Variants in KLHL1 observed in about 807,000 individuals in gnomAD.
KLHL1 encodes the protein kelch-like protein 1.
A neutral mutation model predicts 77.7 loss-of-function variants in KLHL1; 47 were observed. The ratio of observed to expected loss-of-function variants is 0.60; its 90% CI spans 0.48 to 0.77. The LOEUF is 0.77. Among genes scored for constraint, KLHL1 ranks in the 30% least tolerant of loss-of-function variants. The pLI, the probability that KLHL1 is intolerant of heterozygous loss-of-function variation, is 0.00. For synonymous variants in KLHL1, 360 were observed against 325.2 expected, an observed-to-expected ratio of 1.11 and a Z score of -1.15; for missense variants, 925 against 910.8, an observed-to-expected ratio of 1.02 and a Z score of -0.20.
rs911638899 is a variant in KLHL1, at chr13:69,837,604, A to C, written c.1414+1372T>G. 1.2e-4 allele frequency among the ~76,000 whole-genome samples: 16 copies of C among 138,514 alleles called. 1 individual carries two copies. Among genetic ancestry groups the C allele is most frequent in the African/African-American group, 3.9e-4 (14 of 35,866 alleles). 90.9% of individuals were successfully genotyped at this position (138,514 alleles called of 152,430 possible). A position where few individuals can be genotyped will look rare whatever the true frequency, so the allele number is the denominator to read the frequency against. On this transcript the variant is annotated intron_variant, in intron 6 of 10. Transcript: ENST00000377844. ...AGTTATACTATATATATACACATAC[A>C]TCTCTCTCTCTATATATATGTGTGT...
At chr13:69,858,001 T>A (rs1267496239) in intron 5 of KLHL1, among the ~76,000 whole-genome samples, 1 of 152,066 alleles carries the variant, frequency 6.6e-6, no homozygotes, top group African/African-American at 2.4e-5. Context: ...ATTTAAACAA[T>A]AACTGGTTTT....
chr13:70,086,534 T>C (rs1338174367), intron 1 of KLHL1, among the ~76,000 whole-genome samples: 2 of 129,554 alleles, frequency 1.5e-5, no homozygotes, highest in Admixed American at 9.5e-5. Context: ...GATCCTGCCA[T>C]TGCACTCTAG....
intron 1 of KLHL1, among the ~76,000 whole-genome samples, chr13:69,997,103 T>C (rs8001634): frequency 0.99 from 150,047 of 150,894 alleles, 74,610 homozygotes; most frequent in East Asian, 1. Flanking sequence ...TGTCTGTAGT[T>C]CCAGCTACTC....
intron 7 of KLHL1, among the ~76,000 whole-genome samples, chr13:69,745,466 ATCTTG>A (rs1726742075): frequency 6.6e-6 from 1 of 151,906 alleles, no homozygotes; most frequent in South Asian, 2.1e-4. Flanking sequence ...CACTTTCTTA[ATCTTG>A]TCTTTTGATG....
At chr13:69,945,145 C>G (rs1057284738) in intron 3 of KLHL1, among the ~76,000 whole-genome samples, 12 of 151,486 alleles carry the variant, frequency 7.9e-5, no homozygotes, top group African/African-American at 2.7e-4. Flanking sequence ...GCCACCACGC[C>G]CAGCTAATTT....
intron 1 of KLHL1, among the ~76,000 whole-genome samples, chr13:70,052,729 T>C (rs1043082131): frequency 6.6e-6 from 1 of 151,406 alleles, no homozygotes; most frequent in Non-Finnish European, 1.5e-5. Context: ...AGGCTCTCCT[T>C]CTCTCTCTCT....
rs780383642 is a variant in KLHL1, at chr13:69,961,376, T to TG, written c.748dup (p.Gln250ProfsTer34). 1.9e-6 allele frequency: 3 copies of TG among 1,613,092 alleles called. No homozygotes were observed. Among genetic ancestry groups the TG allele is most frequent in the Non-Finnish European group, 2.5e-6 (3 of 1,179,446 alleles). On this transcript the variant is annotated frameshift_variant, in exon 3 of 11. Coordinates refer to ENST00000377844, the MANE Select transcript of KLHL1 (RefSeq NM_020866.3). LOFTEE classifies it high-confidence loss of function. Reference sequence around the variant, plus strand: ...TATGCCTTCCATTTTGATCTCCTCTTGCTTGGCTTCACAAACATCACTTGT... The same window carrying TG: ...TATGCCTTCCATTTTGATCTCCTCTTGGCTTGGCTTCACAAACATCACTTGT...
chr13:69,787,621 C>T lies in KLHL1; in HGVS notation c.1639+9117G>A, dbSNP rs149065956. On this transcript the variant is annotated intron_variant, in intron 7 of 10. Transcript: ENST00000377844. Reference sequence around the variant, plus strand: ...ATGGGCAAGGACTTCATGTCTAAAACACCAAAAGCAATGGCAACTAAAGCC... The same window carrying T: ...ATGGGCAAGGACTTCATGTCTAAAATACCAAAAGCAATGGCAACTAAAGCC... Among the ~76,000 whole-genome samples the T allele has an allele frequency of 7.5e-3, 1,140 of 152,252 alleles. 19 individuals carry two copies. Among genetic ancestry groups the T allele is most frequent in the African/African-American group, 0.026 (1,089 of 41,540 alleles).
At chr13:69,724,933 T>C (rs1566184422) in intron 8 of KLHL1, among the ~76,000 whole-genome samples, 6 of 152,194 alleles carry the variant, frequency 3.9e-5, no homozygotes. Context: ...ATAAATATCA[T>C]GTTTACATCT....
At chr13:70,061,560 G>A (rs1886886660) in intron 1 of KLHL1, among the ~76,000 whole-genome samples, 1 of 152,020 alleles carries the variant, frequency 6.6e-6, no homozygotes, top group African/African-American at 2.4e-5. Context: ...TGAGTTAGTA[G>A]CCTTAAGTCA....
In KLHL1 at chr13:69,724,517, C is replaced by A. The variant is rs147539282; in HGVS notation, c.1803-4936G>T. Among the ~76,000 whole-genome samples, 300 of 152,094 alleles carry A rather than the reference C, an allele frequency of 2.0e-3. 1 individual carries two copies. Among genetic ancestry groups the A allele is most frequent in the African/African-American group, 6.9e-3 (285 of 41,504 alleles). Reference sequence around the variant, plus strand: ...TGTGAGGTCAGCATTGCCCTAATACCAAAGCCAGACAAAGACACCACCAAA... The same window carrying A: ...TGTGAGGTCAGCATTGCCCTAATACAAAAGCCAGACAAAGACACCACCAAA... On this transcript the variant is annotated intron_variant, in intron 8 of 10. Coordinates refer to ENST00000377844, the MANE Select transcript of KLHL1 (RefSeq NM_020866.3).
chr13:69,950,301 G>A (rs1220538484), intron 3 of KLHL1, among the ~76,000 whole-genome samples: 1 of 151,704 alleles, frequency 6.6e-6, no homozygotes. Flanking sequence ...TTTCTTTAAA[G>A]CTACTCTAAT....
chr13:70,022,236 TC>T (rs1296364370), intron 1 of KLHL1, among the ~76,000 whole-genome samples: 1 of 151,834 alleles, frequency 6.6e-6, no homozygotes, highest in Non-Finnish European at 1.5e-5. Flanking sequence ...AAACACTTTT[TC>T]CCTCTTTGCT....
chr13:69,714,024 G>A (rs919319367), intron 9 of KLHL1, among the ~76,000 whole-genome samples: 1 of 152,092 alleles, frequency 6.6e-6, no homozygotes, highest in African/African-American at 2.4e-5. Flanking sequence ...TTTTAAATGT[G>A]TAGTCTTTTT....
chr13:70,024,620 T>TTCTCTCTCTCTCTCTCTCTCTCTCTC (rs5804459), intron 1 of KLHL1, among the ~76,000 whole-genome samples: 35 of 130,396 alleles, frequency 2.7e-4, no homozygotes, highest in African/African-American at 8.1e-4. Context: ...GAGAAAAGAT[T>TTCTCTCTCTCTCTCTCTCTCTCTCTC]TCTCTCTCTC....
At chr13:70,061,687 A>C (rs1886891907) in intron 1 of KLHL1, among the ~76,000 whole-genome samples, 1 of 152,150 alleles carries the variant, frequency 6.6e-6, no homozygotes, top group Non-Finnish European at 1.5e-5. Flanking sequence ...AGCAAATATG[A>C]AGGCTTATCT....
intron 1 of KLHL1, among the ~76,000 whole-genome samples, chr13:70,026,950 C>T (rs981801266): frequency 2.0e-5 from 3 of 151,890 alleles, no homozygotes; most frequent in African/African-American, 7.3e-5. Flanking sequence ...GTGTATGTTC[C>T]TTCAATTTTA....
At chr13:69,780,694 ATATATATG>A (rs201073244) in intron 7 of KLHL1, among the ~76,000 whole-genome samples, 172 of 17,132 alleles carry the variant, frequency 0.01, 8 homozygotes, top group Middle Eastern at 0.094. Context: ...TCATATATAT[ATATATATG>A]TATATATATA....
At chr13:69,942,502 C>T (rs1028698852) in intron 3 of KLHL1, among the ~76,000 whole-genome samples, 6 of 151,978 alleles carry the variant, frequency 3.9e-5, no homozygotes, top group African/African-American at 1.4e-4. Flanking sequence ...AAGTTATCTG[C>T]TTTCAAAACT....
Sources: gnomAD v4.1 joint callset for allele counts (sites outside exome capture counted in the v4.1 genomes callset) on GRCh38, gnomAD v4.1.1 for gene constraint, MANE v1.5 for transcripts, NCBI Gene and HGNC (gene_info 2026-07-23, HGNC 2026-07-21) for gene names.